RERG: variants seen among roughly 807,000 people sequenced by gnomAD.
The protein encoded by RERG is ras-related and estrogen-regulated growth inhibitor.
Under a neutral mutation model 23.2 loss-of-function variants are expected in RERG, and 25 were observed. The ratio of observed to expected loss-of-function variants is 1.08; its 90% confidence interval spans 0.79 to 1.50. The LOEUF is 1.50. RERG is among the 40% of genes most tolerant of loss of function. The probability of loss-of-function intolerance (pLI) is 0.00; values close to 1 mark genes in which losing one functional copy is unlikely to be tolerated. For synonymous variants in RERG, 81 were observed against 89.1 expected (o/e 0.91, Z 0.51); for missense variants, 253 against 250.1 (o/e 1.01, Z -0.08).
rs1337230043 is a variant in RERG, at chr12:15,158,575, C to A, written c.62-37456G>T. Among the ~76,000 whole-genome samples the A allele has an allele frequency of 2.0e-5, 3 of 152,162 alleles. No homozygotes were observed. The East Asian group carries it at 5.8e-4, about 29-fold the overall frequency. On this transcript the variant is annotated intron_variant, in intron 2 of 4. Transcript: ENST00000256953. ...GGGATTACAAGTGTGAACCATTGTG[C>A]CTGGCCTCTCAGCATTTTTTAATGA...
chr12:15,192,600 G>C (rs752200531), intron 2 of RERG, among the ~76,000 whole-genome samples: 41 of 152,032 alleles, frequency 2.7e-4, no homozygotes, highest in Non-Finnish European at 5.4e-4. Flanking sequence ...AATTAATATT[G>C]GTGCAATACT....
At chr12:15,117,785 T>G (rs1401419197) in intron 3 of RERG, among the ~76,000 whole-genome samples, 1 of 152,000 alleles carries the variant, frequency 6.6e-6, no homozygotes, top group Non-Finnish European at 1.5e-5. Flanking sequence ...ATATGACTCT[T>G]GGAGATAGGG....
intron 2 of RERG, among the ~76,000 whole-genome samples, chr12:15,214,766 G>A (rs951842665): frequency 1.3e-5 from 2 of 152,108 alleles, no homozygotes; most frequent in East Asian, 3.9e-4. Flanking sequence ...AGGATCTCTT[G>A]AGCCCAGGAG....
intron 2 of RERG, among the ~76,000 whole-genome samples, chr12:15,179,538 T>C (rs1864896017): frequency 1.3e-5 from 2 of 152,354 alleles, no homozygotes; most frequent in Admixed American, 6.5e-5. Flanking sequence ...CACCAAAACT[T>C]TCTACAGTAT....
intron 2 of RERG, among the ~76,000 whole-genome samples, chr12:15,157,484 C>T (rs926923284): frequency 2.0e-5 from 3 of 152,162 alleles, no homozygotes; most frequent in African/African-American, 7.2e-5. Flanking sequence ...TCTTGGGAAA[C>T]AACCATGAAA....
chr12:15,201,560 T>TTAA (rs200817717), intron 2 of RERG, among the ~76,000 whole-genome samples: 1 of 149,572 alleles, frequency 6.7e-6, no homozygotes, highest in African/African-American at 2.4e-5. Context: ...ATAATAGTAA[T>TTAA]TAATAATAAT....
chr12:15,144,594 G>T (rs942866639), intron 2 of RERG, among the ~76,000 whole-genome samples: 1 of 152,210 alleles, frequency 6.6e-6, no homozygotes, highest in Non-Finnish European at 1.5e-5. Flanking sequence ...AACACGATGA[G>T]AACTGGGAAC....
At chr12:15,110,460 TTTC>T (rs1863586427) in intron 4 of RERG, among the ~76,000 whole-genome samples, 2 of 131,476 alleles carry the variant, frequency 1.5e-5, no homozygotes, top group East Asian at 2.1e-4. Flanking sequence ...TGGCCATTTT[TTTC>T]TTTTTTTTTT....
chr12:15,172,440 A>G (rs1864790095), intron 2 of RERG, among the ~76,000 whole-genome samples: 1 of 152,136 alleles, frequency 6.6e-6, no homozygotes, highest in Admixed American at 6.6e-5. Context: ...AGGAACTTCC[A>G]TGCACAAGAT....
chr12:15,162,720 C>A (rs186531961), intron 2 of RERG, among the ~76,000 whole-genome samples: 11 of 152,220 alleles, frequency 7.2e-5, no homozygotes, highest in African/African-American at 2.6e-4. Flanking sequence ...AATAAATTTA[C>A]GGTGTGGTTT....
At chr12:15,189,864 A>T (rs1346182148) in intron 2 of RERG, among the ~76,000 whole-genome samples, 1 of 152,168 alleles carries the variant, frequency 6.6e-6, no homozygotes, top group Non-Finnish European at 1.5e-5. Context: ...CCTGGTTATC[A>T]CTTATGTCAG....
At chr12:15,169,980 C>T (rs1864755131) in intron 2 of RERG, among the ~76,000 whole-genome samples, 1 of 143,388 alleles carries the variant, frequency 7.0e-6, no homozygotes, top group African/African-American at 2.5e-5. Context: ...CATCAGGGAT[C>T]AACAATGCAT....
At chr12:15,152,325 C>T (rs1235299510) in intron 2 of RERG, among the ~76,000 whole-genome samples, 3 of 152,220 alleles carry the variant, frequency 2.0e-5, no homozygotes, top group African/African-American at 7.2e-5. Context: ...ACCAATTCAC[C>T]TGCCTTAGAT....
At chr12:15,109,598 C>A in intron 4 of RERG, 81 bp from the exon 5 acceptor site, 1 of 1,063,882 alleles carries the variant, frequency 9.4e-7, no homozygotes, top group South Asian at 1.7e-5. Context: ...ACAGTAATGC[C>A]TTAATTACTA....
chr12:15,109,162 G>C lies in RERG; in HGVS notation c.548C>G (p.Thr183Ser), dbSNP rs1166238114. The change falls in exon 5 of 5, where the codon ACC becomes AGC. Residue 183 changes from threonine to serine, a missense_variant. By Grantham distance (58) the Thr-to-Ser change is moderately conservative. Transcript: ENST00000256953. Reference protein sequence around the residue: ...VQGKTRRRSSTTHVKQAINKM... With the variant: ...VQGKTRRRSSSTHVKQAINKM... ...GTTAATGGCTTGCTTGACATGCGTG[G>C]TGGAGCTGCGTCGCCTCGTCTTGCC... 1 of 1,608,162 alleles carries C rather than the reference G, an allele frequency of 6.2e-7. No individual in the cohort carries two copies.
chr12:15,187,403 T>C (rs1365606573), intron 2 of RERG, among the ~76,000 whole-genome samples: 1 of 152,172 alleles, frequency 6.6e-6, no homozygotes, highest in Non-Finnish European at 1.5e-5. Flanking sequence ...CTTAGCACAA[T>C]TGCTTACTTG....
At chr12:15,111,501 G>C in intron 3 of RERG, 84 bp from the exon 4 acceptor site, 1 of 1,054,838 alleles carries the variant, frequency 9.5e-7, no homozygotes, top group East Asian at 2.4e-5. Flanking sequence ...AATGGGCATG[G>C]GAGAAGTATT....
intron 2 of RERG, among the ~76,000 whole-genome samples, chr12:15,204,250 C>A (rs920566330): frequency 2.0e-5 from 3 of 151,464 alleles, no homozygotes; most frequent in African/African-American, 7.3e-5. Flanking sequence ...AATAGAGAGC[C>A]CAGAAATAAA....
intron 2 of RERG, among the ~76,000 whole-genome samples, chr12:15,170,691 G>T (rs1864765939): frequency 6.6e-6 from 1 of 152,206 alleles, no homozygotes; most frequent in Admixed American, 6.5e-5. Context: ...GTTCTGCAGT[G>T]TGAAGGCACA....
Sources: allele counts gnomAD v4.1 joint callset (sites outside exome capture counted in the v4.1 genomes callset), GRCh38; gene constraint gnomAD v4.1.1; transcripts MANE v1.5; gene names NCBI Gene and HGNC (gene_info 2026-07-23, HGNC 2026-07-21).